JAG1: variants seen among roughly 807,000 people sequenced by gnomAD.
JAG1 encodes jagged canonical Notch ligand 1.
A neutral mutation model predicts 148.7 loss-of-function variants in JAG1; 23 were observed. That is an observed-to-expected ratio of 0.15 (90% CI 0.11 to 0.22). JAG1 has a LOEUF of 0.22. Ranked by LOEUF, JAG1 falls within the 10% of genes least tolerant of loss-of-function variation. The probability of loss-of-function intolerance (pLI) is 1.00; values close to 1 mark genes in which losing one functional copy is unlikely to be tolerated. For synonymous variants in JAG1, 572 were observed against 598.3 expected (o/e 0.96, Z 0.64); for missense variants, 1,054 against 1,611.2 (o/e 0.65, Z 5.92).
chr20:10,670,834 G>C (rs749927351), intron 2 of JAG1, among the ~76,000 whole-genome samples: 1 of 152,186 alleles, frequency 6.6e-6, no homozygotes, highest in East Asian at 1.9e-4. Flanking sequence ...AACCACAGAA[G>C]AGCACCAGCA....
In JAG1 at chr20:10,672,736, T is replaced by G. The variant is rs759040915; in HGVS notation, c.352A>C (p.Asn118His). The change falls in exon 2 of 26, where the codon AAC (asparagine) becomes CAC (histidine). Residue 118 changes from asparagine (N) to histidine (H), a missense_variant. Physicochemically the swap from Asn to His is moderately conservative, Grantham distance 68. This residue lies in a region of JAG1 where 151 missense variants were observed against 211.1 expected (regional missense o/e 0.72). Transcript: ENST00000254958. The part of the protein sequence containing the change: ...NLKASRGNDR[N>H]RIVLPFSFAW... Reference sequence around the variant, plus strand: ...AAACTGAAAGGCAGCACGATGCGGTTGCGGTCGTTGCCGCGGCTGGCCTTG... The same window carrying G: ...AAACTGAAAGGCAGCACGATGCGGTGGCGGTCGTTGCCGCGGCTGGCCTTG... The G allele has an allele frequency of 6.2e-7, 1 of 1,613,070 alleles. No individual in the cohort carries two copies. Among genetic ancestry groups the G allele is most frequent in the South Asian group, 1.1e-5 (1 of 91,092 alleles).
chr20:10,656,577 C>A, intron 4 of JAG1, 119 bp from the exon 5 acceptor site: 1 of 806,718 alleles, frequency 1.2e-6, no homozygotes, highest in Non-Finnish European at 2.1e-6. Flanking sequence ...GGTCTCATAT[C>A]AAGTCCCTTG....
rs752205140 is a variant in JAG1, at chr20:10,641,421, CATCCACCATTCAAAA to C, written c.2916+24_2916+38del. Reference sequence around the variant, plus strand: ...TCCTCCTTTAAAGCAAGCAAGCAGACATCCACCATTCAAAAAAAAAACAAAGGTTGTTACATACTG... The same window carrying C: ...TCCTCCTTTAAAGCAAGCAAGCAGACAAAAAACAAAGGTTGTTACATACTG... On this transcript the variant is annotated intron_variant, in intron 23 of 25. Transcript: ENST00000254958. 1.8e-4 allele frequency: 272 copies of C among 1,549,720 alleles called. No homozygotes were observed. In the Admixed American group the frequency reaches 4.7e-3, roughly 27 times the overall value.
Position 10,646,992 on chromosome 20 carries a change from C to A in JAG1, c.1832G>T (p.Gly611Val), listed in dbSNP as rs2122606183. The A allele has an allele frequency of 5.0e-6, 8 of 1,614,190 alleles. No individual in the cohort carries two copies. Among genetic ancestry groups the A allele is most frequent in the Non-Finnish European group, 2.5e-6 (3 of 1,180,026 alleles). ...TTTGTTACAGTCACAGGTGAATTTGCCTCCCGACTGACTCTTGCACTTCCC... is the reference window on the plus strand; with the variant it reads ...TTTGTTACAGTCACAGGTGAATTTGACTCCCGACTGACTCTTGCACTTCCC... ...PHGKCKSQSG[G>V]KFTCDCNKGF... Residue 611 changes from glycine (G) to valine (V), a missense_variant, in exon 14 of 26, where the codon GGC becomes GTC. Physicochemically the swap from Gly to Val is moderately radical, Grantham distance 109. Around this residue, in one of 6 missense-constraint regions of JAG1, gnomAD observed 245 missense variants for 373.1 expected, o/e 0.66. Transcript: ENST00000254958.
At position 10,645,427 on chromosome 20, in the gene JAG1, G is replaced by A. The variant is rs772675011; in HGVS notation, c.2042C>T (p.Thr681Met). 6.8e-6 allele frequency: 11 copies of A among 1,613,768 alleles called. No homozygotes were observed. Among genetic ancestry groups the A allele is most frequent in the African/African-American group, 4.0e-5 (3 of 74,904 alleles). ...CSQNPCHNGG[T>M]CRDLVNDFYC... Reference sequence around the variant, plus strand: ...GAAGTCATTGACCAGGTCGCGACACGTGCCCCCATTGTGGCAGGGGTTCTG... The same window carrying A: ...GAAGTCATTGACCAGGTCGCGACACATGCCCCCATTGTGGCAGGGGTTCTG... The change falls in exon 16 of 26, where the codon ACG becomes ATG. Residue 681 changes from threonine (T) to methionine (M), a missense_variant. Physicochemically the swap from Thr to Met is moderately conservative, Grantham distance 81. Around this residue, in one of 6 missense-constraint regions of JAG1, gnomAD observed 35 missense variants for 99.7 expected, o/e 0.35. Transcript: ENST00000254958. This position sits in a 1 kb window ranked among gnomAD's most constrained non-coding sequence, Gnocchi z 6.1.
At chr20:10,665,973 A>T (rs1178625593) in intron 2 of JAG1, among the ~76,000 whole-genome samples, 3 of 152,192 alleles carry the variant, frequency 2.0e-5, no homozygotes, top group African/African-American at 7.2e-5. Flanking sequence ...CCCCACCTGG[A>T]GAGAAAAGAA....
intron 4 of JAG1, 114 bp from the exon 5 acceptor site, chr20:10,656,572 C>T (rs2067380679): frequency 1.2e-6 from 1 of 823,740 alleles, no homozygotes; most frequent in Admixed American, 2.0e-5. Flanking sequence ...TAACAGGTCT[C>T]ATATCAAGTC....
In JAG1 at chr20:10,644,274, T is replaced by TCACACACA. The variant is rs1491263633; in HGVS notation, c.2372+82_2372+83insTGTGTGTG. The TCACACACA allele has an allele frequency of 2.2e-5, 15 of 688,482 alleles. No homozygotes were observed. The African/African-American group carries it at 4.3e-4, about 20-fold the overall frequency. The allele number at this position is 688,482 out of a possible 1,614,324, so 42.6% of individuals were successfully genotyped here. A position where few individuals can be genotyped will look rare whatever the true frequency, so the allele number is the denominator to read the frequency against. Reference sequence around the variant, plus strand: ...ATTTTAAACACAATCCCTGGGTGATTCTCACACACACACACACACACACAC... The same window carrying TCACACACA: ...ATTTTAAACACAATCCCTGGGTGATTCACACACACTCACACACACACACACACACACAC... On this transcript the variant is annotated intron_variant, in intron 19 of 25. Coordinates refer to ENST00000254958, the MANE Select transcript of JAG1 (RefSeq NM_000214.3).
intron 5 of JAG1, among the ~76,000 whole-genome samples, chr20:10,653,573 G>C (rs1050472819): frequency 6.9e-6 from 1 of 144,736 alleles, no homozygotes; most frequent in Admixed American, 6.9e-5. Context: ...CCGGTGGAGC[G>C]TGGAGGGTGG....
intron 7 of JAG1, 99 bp downstream of exon 7, chr20:10,652,032 T>C: frequency 1.5e-6 from 2 of 1,362,578 alleles, no homozygotes; most frequent in Non-Finnish European, 2.1e-6. Flanking sequence ...GGAAGCTATT[T>C]TCACTTTTTT....
At chr20:10,646,836 A>AT in intron 14 of JAG1, 103 bp downstream of exon 14, 1 of 1,261,370 alleles carries the variant, frequency 7.9e-7, no homozygotes, top group Non-Finnish European at 1.2e-6. Context: ...AAAAAAAAAA[A>AT]AAAAACTTTC....
intron 21 of JAG1, 27 bp downstream of exon 21, chr20:10,642,461 T>C (rs1169349138): frequency 1.5e-6 from 2 of 1,357,738 alleles, no homozygotes; most frequent in Non-Finnish European, 2.1e-6. Context: ...AGAAGACCCA[T>C]GGGCAGCTGA....
At position 10,673,394 on chromosome 20, in the gene JAG1, C is replaced by A. The variant is rs892327940; in HGVS notation, c.81+56G>T. On this transcript the variant is annotated intron_variant, in intron 1 of 25. Coordinates refer to ENST00000254958, the MANE Select transcript of JAG1 (RefSeq NM_000214.3). This position sits in a 1 kb window ranked among gnomAD's most constrained non-coding sequence, Gnocchi z 4.7. ...GCTCGCGGGGCTCAACCGCCCAGGGCGCCGCGAGGGGAGGGAGAGGACGGC... is the reference window on the plus strand; with the variant it reads ...GCTCGCGGGGCTCAACCGCCCAGGGAGCCGCGAGGGGAGGGAGAGGACGGC... 3.0e-5 allele frequency: 38 copies of A among 1,276,256 alleles called. No homozygotes were observed. The highest frequency in any genetic ancestry group is 3.8e-5 in the Non-Finnish European group (36 of 952,702). 79.1% of individuals were successfully genotyped at this position (1,276,256 alleles called of 1,614,324 possible).
At chr20:10,646,730 C>G (rs1173939127) in intron 14 of JAG1, among the ~76,000 whole-genome samples, 2 of 151,724 alleles carry the variant, frequency 1.3e-5, no homozygotes, top group Non-Finnish European at 2.9e-5. Flanking sequence ...CTGAGGCAGG[C>G]AGGAGAATCG....
chr20:10,644,273 TTCTC>T, intron 19 of JAG1, 80 bp downstream of exon 19: 1 of 626,420 alleles, frequency 1.6e-6, no homozygotes, highest in Non-Finnish European at 2.5e-6. Context: ...CCCTGGGTGA[TTCTC>T]ACACACACAC....
At chr20:10,647,403 A>G in intron 13 of JAG1, 1 of 484,048 alleles carries the variant, frequency 2.1e-6, no homozygotes, top group South Asian at 2.1e-5. Context: ...ACACTTGCTA[A>G]GGCAAAAGGA....
At position 10,652,116 on chromosome 20, in the gene JAG1, T is replaced by C. The variant is rs775134072; in HGVS notation, c.1006+15A>G. 14 of 1,613,870 alleles carry C rather than the reference T, an allele frequency of 8.7e-6. No homozygotes were observed. Among genetic ancestry groups the C allele is most frequent in the African/African-American group, 1.3e-5 (1 of 75,038 alleles). On this transcript the variant is annotated intron_variant, in intron 7 of 25. Transcript: ENST00000254958. ...AAATTAGACAAAGGGCTCTCATTCA[T>C]CTTGGACCACTTACCAATTTCACAG... is the stretch of plus-strand genomic sequence containing the variant.
intron 2 of JAG1, 92 bp from the exon 3 acceptor site, chr20:10,664,106 A>C: frequency 2.0e-6 from 2 of 979,038 alleles, no homozygotes; most frequent in Non-Finnish European, 1.7e-6. Flanking sequence ...ACCCCACCAA[A>C]CAAAACCATA....
In JAG1 at chr20:10,639,412, ACGGC is replaced by A. The variant is rs1382446543; in HGVS notation, c.*82_*85del. The A allele has an allele frequency of 8.4e-7, 1 of 1,196,828 alleles. No homozygotes were observed. The highest frequency in any genetic ancestry group is 1.3e-6 in the Non-Finnish European group (1 of 799,624). The allele number at this position is 1,196,828 out of a possible 1,614,324, so 74.1% of individuals were successfully genotyped here. On this transcript the variant is annotated 3_prime_UTR_variant, in exon 26 of 26. Transcript: ENST00000254958. ...TTAACACAGGGATTCTAAGTCAGCA[ACGGC>A]CTCAGACTCGAGTATGACACGACAG...
Sources: gnomAD v4.1 joint callset for allele counts (sites outside exome capture counted in the v4.1 genomes callset) on GRCh38, gnomAD v4.1.1 for gene constraint, gnomAD v4.1.1 regional missense constraint, Gnocchi (gnomAD v3.1) non-coding constraint, MANE v1.5 for transcripts, NCBI Gene and HGNC (gene_info 2026-07-23, HGNC 2026-07-21) for gene names.